PTPN4: variants seen among roughly 807,000 people sequenced by gnomAD.
The protein encoded by PTPN4 is tyrosine-protein phosphatase non-receptor type 4.
PTPN4 carries 49 observed loss-of-function variants against 135.5 expected under a neutral mutation model. The ratio of observed to expected loss-of-function variants is 0.36; its 90% CI spans 0.29 to 0.46. PTPN4 has a LOEUF of 0.46. Ranked by LOEUF, PTPN4 falls within the 20% of genes least tolerant of loss-of-function variation. The pLI is 1.00. For synonymous variants in PTPN4, 333 were observed against 369.9 expected, an observed-to-expected ratio of 0.90 and a Z score of 1.14; for missense variants, 860 against 1,101.0, an observed-to-expected ratio of 0.78 and a Z score of 3.10.
intron 16 of PTPN4, among the ~76,000 whole-genome samples, chr2:119,945,569 G>A (rs998594982): frequency 2.3e-4 from 35 of 150,802 alleles, no homozygotes; most frequent in African/African-American, 8.5e-4. Context: ...TGCATGTTGT[G>A]CACATGTACC....
intron 9 of PTPN4, among the ~76,000 whole-genome samples, chr2:119,890,204 T>C (rs1678220712): frequency 1.3e-5 from 2 of 152,162 alleles, no homozygotes; most frequent in East Asian, 3.9e-4. Flanking sequence ...TTGGTGCATA[T>C]ATATTTAGAA....
At chr2:119,811,926 G>T (rs1676886582) in intron 2 of PTPN4, among the ~76,000 whole-genome samples, 1 of 151,634 alleles carries the variant, frequency 6.6e-6, no homozygotes, top group Non-Finnish European at 1.5e-5. Context: ...CATATATTTA[G>T]CTGGCAGTTT....
Position 119,881,790 on chromosome 2 carries a change from C to G in PTPN4, c.373C>G (p.Gln125Glu). The G allele has an allele frequency of 1.3e-6, 2 of 1,553,972 alleles. No individual in the cohort carries two copies. Among genetic ancestry groups the G allele is most frequent in the Non-Finnish European group, 1.8e-6 (2 of 1,136,216 alleles). ...NKLQEEYTRYQYFLQIKQDIL... is the reference protein window; with the variant it reads ...NKLQEEYTRYEYFLQIKQDIL... The stretch of plus-strand genomic sequence containing the variant: ...TTTTGTTTGTTTGTTTTTAAGGTAC[C>G]AGTATTTTTTGCAAATTAAACAAGA... Residue 125 changes from glutamine (Q) to glutamate (E), a missense_variant, in exon 6 of 27, where the codon CAG (glutamine) becomes GAG (glutamate). Physicochemically the swap from Gln to Glu is conservative, Grantham distance 29. This residue lies in a region of PTPN4 where 684 missense variants were observed against 807.0 expected (regional missense o/e 0.85). Coordinates refer to ENST00000263708, the MANE Select transcript of PTPN4 (RefSeq NM_002830.4).
intron 26 of PTPN4, 96 bp from the exon 27 acceptor site, chr2:119,976,888 A>C: frequency 6.6e-7 from 1 of 1,505,044 alleles, no homozygotes; most frequent in Non-Finnish European, 8.8e-7. Context: ...TTTTTTAAGT[A>C]AGCAAGCCAA....
At chr2:119,959,211 A>G (rs1679329851) in intron 22 of PTPN4, among the ~76,000 whole-genome samples, 1 of 150,880 alleles carries the variant, frequency 6.6e-6, no homozygotes, top group South Asian at 2.1e-4. Flanking sequence ...ATGGAGGATT[A>G]GCTACTTAGG....
At chr2:119,834,671 G>A (rs1677265199) in intron 2 of PTPN4, among the ~76,000 whole-genome samples, 1 of 151,980 alleles carries the variant, frequency 6.6e-6, no homozygotes, top group South Asian at 2.1e-4. Flanking sequence ...TTGCATAGTG[G>A]CTCTAAGCAT....
chr2:119,931,433 C>CTTTTTTTTTTTTT (rs1158907026), intron 13 of PTPN4, among the ~76,000 whole-genome samples: 28 of 83,350 alleles, frequency 3.4e-4, no homozygotes, highest in Non-Finnish European at 5.3e-4. Flanking sequence ...TTCTTTCTTT[C>CTTTTTTTTTTTTT]TTTTTTTTTT....
intron 8 of PTPN4, among the ~76,000 whole-genome samples, chr2:119,884,570 C>T (rs990007802): frequency 6.6e-6 from 1 of 152,140 alleles, no homozygotes; most frequent in Non-Finnish European, 1.5e-5. Flanking sequence ...AAATTCCATT[C>T]ATAGTGAAAG....
intron 2 of PTPN4, among the ~76,000 whole-genome samples, chr2:119,847,786 T>G (rs545833793): frequency 6.6e-6 from 1 of 152,350 alleles, no homozygotes; most frequent in Non-Finnish European, 1.5e-5. Flanking sequence ...ACTCTCAGTA[T>G]TCATTTATGT....
At position 119,896,334 on chromosome 2, in the gene PTPN4, G is replaced by T. The variant is rs1678323264; in HGVS notation, c.676-4384G>T. Among the ~76,000 whole-genome samples the T allele has an allele frequency of 2.0e-5, 3 of 152,110 alleles. No homozygotes were observed. In the South Asian group the frequency reaches 6.2e-4, roughly 32 times the overall value. On this transcript the variant is annotated intron_variant, in intron 9 of 26. Transcript: ENST00000263708. ...GATCTCTCTTTTTAATCTACAGGTTGTTGCTTCTTCTCTTGTGCTTAGAAT... is the reference window on the plus strand; with the variant it reads ...GATCTCTCTTTTTAATCTACAGGTTTTTGCTTCTTCTCTTGTGCTTAGAAT...
chr2:119,972,762 GAA>G (rs1679555492), intron 26 of PTPN4, among the ~76,000 whole-genome samples: 2 of 152,084 alleles, frequency 1.3e-5, no homozygotes, highest in African/African-American at 4.8e-5. Context: ...TTTTCATCCT[GAA>G]AGTGTGTTCA....
At chr2:119,966,496 G>A (rs978420441) in intron 25 of PTPN4, among the ~76,000 whole-genome samples, 4 of 152,134 alleles carry the variant, frequency 2.6e-5, no homozygotes, top group African/African-American at 9.7e-5. Context: ...GGGCTCAAGG[G>A]ATCCACCTAC....
chr2:119,853,608 G>A (rs1677629591), intron 2 of PTPN4, among the ~76,000 whole-genome samples: 1 of 151,860 alleles, frequency 6.6e-6, no homozygotes, highest in African/African-American at 2.4e-5. Flanking sequence ...TAATAGTATT[G>A]TGTTTTCCCC....
intron 1 of PTPN4, among the ~76,000 whole-genome samples, chr2:119,802,135 C>G (rs1055988470): frequency 3.3e-5 from 5 of 152,068 alleles, no homozygotes; most frequent in African/African-American, 1.2e-4. Flanking sequence ...GATCTCTTGA[C>G]CTTGTAATCC....
chr2:119,981,242 T>C lies in PTPN4; in HGVS notation c.*4172T>C, dbSNP rs1023109158. On this transcript the variant is annotated 3_prime_UTR_variant, in exon 27 of 27. Transcript: ENST00000263708. The stretch of plus-strand genomic sequence containing the variant: ...ATATTTGTTGGAATAAAAATCTCAA[T>C]GTAATAGGACATAGATAAATTATGC... 2 of 152,076 alleles carry C rather than the reference T, an allele frequency of 1.3e-5. No homozygotes were observed. Among genetic ancestry groups the C allele is most frequent in the African/African-American group, 2.4e-5 (1 of 41,432 alleles). 9.4% of individuals were successfully genotyped at this position (152,076 alleles called of 1,614,324 possible).
chr2:119,831,377 A>G (rs1185481065), intron 2 of PTPN4, among the ~76,000 whole-genome samples: 1 of 152,150 alleles, frequency 6.6e-6, no homozygotes, highest in Non-Finnish European at 1.5e-5. Flanking sequence ...TGGTCTTGGT[A>G]TTCTTGTTAC....
intron 12 of PTPN4, 85 bp from the exon 13 acceptor site, chr2:119,926,513 G>T: frequency 2.3e-6 from 2 of 881,380 alleles, no homozygotes; most frequent in South Asian, 2.4e-5. Flanking sequence ...CTCTTAGGAA[G>T]TTACACTATA....
chr2:119,784,050 T>C (rs1285865075), intron 1 of PTPN4, among the ~76,000 whole-genome samples: 2 of 152,148 alleles, frequency 1.3e-5, no homozygotes, highest in East Asian at 3.9e-4. Context: ...TCTATATGGC[T>C]TGGGCTTCTT....
intron 24 of PTPN4, among the ~76,000 whole-genome samples, chr2:119,964,187 A>G (rs1159320271): frequency 6.6e-6 from 1 of 152,206 alleles, no homozygotes; most frequent in Non-Finnish European, 1.5e-5. Context: ...TATGGTGCCA[A>G]GTAGCTGATG....
Sources: allele counts gnomAD v4.1 joint callset (sites outside exome capture counted in the v4.1 genomes callset), GRCh38; gene constraint gnomAD v4.1.1; regional missense constraint gnomAD v4.1.1; transcripts MANE v1.5; gene names NCBI Gene and HGNC (gene_info 2026-07-23, HGNC 2026-07-21).